The following PKD1L1 variants were observed in gnomAD, a reference collection of about 807,000 sequenced individuals.
The protein encoded by PKD1L1 is polycystin 1 like 1, transient receptor potential channel interacting, also known as polycystin-1-like protein 1.
In PKD1L1, 236 loss-of-function variants were observed where a neutral mutation model predicts 323.4. The ratio of observed to expected loss-of-function variants is 0.73; its 90% CI spans 0.66 to 0.81. The LOEUF is 0.81. PKD1L1 is among the 40% of genes least tolerant of loss of function. The pLI, the probability that PKD1L1 is intolerant of heterozygous loss-of-function variation, is 0.00. For missense variants in PKD1L1, 3,320 were observed against 3,508.0 expected, an observed-to-expected ratio of 0.95 and a Z score of 1.35; for synonymous variants, 1,344 against 1,335.0, an observed-to-expected ratio of 1.01 and a Z score of -0.15.
chr7:47,898,636 T>G (rs1434148399), intron 13 of PKD1L1, among the ~76,000 whole-genome samples: 1 of 152,096 alleles, frequency 6.6e-6, no homozygotes, highest in African/African-American at 2.4e-5. Context: ...AACAGATGTT[T>G]GCTTTCCCTA....
At chr7:47,776,661 A>C (rs1378001077) in intron 56 of PKD1L1, among the ~76,000 whole-genome samples, 1 of 152,252 alleles carries the variant, frequency 6.6e-6, no homozygotes, top group South Asian at 2.1e-4. Flanking sequence ...TAGGTTGAAC[A>C]TAAGTGTTAC....
intron 31 of PKD1L1, among the ~76,000 whole-genome samples, chr7:47,849,877 G>A (rs1007704219): frequency 6.6e-6 from 1 of 152,204 alleles, no homozygotes; most frequent in African/African-American, 2.4e-5. Flanking sequence ...CAGCAACCTG[G>A]ATGGAGTTGG....
rs140430201 is a variant in PKD1L1, at chr7:47,915,468, T to G, written c.1192A>C (p.Asn398His). Residue 398 changes from asparagine to histidine, a missense_variant, in exon 8 of 57, where the codon AAC becomes CAC. Asn to His is a moderately conservative substitution (Grantham distance 68). Transcript: ENST00000289672. The part of the protein sequence containing the change: ...NSCLEDSDPS[N>H]LGYELISAFV... ...GCAGAAATAAGCTCATATCCAAGGT[T>G]ACTGGGGTCTGAGTCTTCCAGGCAG... 2.2e-4 allele frequency: 241 copies of G among 1,100,922 alleles called. No individual in the cohort carries two copies. In the African/African-American group the frequency reaches 3.4e-3, roughly 16 times the overall value. 68.2% of individuals were successfully genotyped at this position (1,100,922 alleles called of 1,614,324 possible).
intron 31 of PKD1L1, among the ~76,000 whole-genome samples, chr7:47,850,789 T>C (rs1455117934): frequency 6.6e-6 from 1 of 152,186 alleles, no homozygotes; most frequent in African/African-American, 2.4e-5. Context: ...TAATATATCA[T>C]GTAAGAATGT....
In PKD1L1 at chr7:47,898,179, G is replaced by T; in HGVS notation, c.2080C>A (p.Pro694Thr). Reference sequence around the variant, plus strand: ...TCAAACGTCACTCCCAGCCTCACAGGCTGAGACCTCCATATCTAAGTATCA... The same window carrying T: ...TCAAACGTCACTCCCAGCCTCACAGTCTGAGACCTCCATATCTAAGTATCA... ...PGKVQIWRSQ[P>T]VRLGVTFEAA... is the part of the protein sequence containing the mutation. The change falls in exon 14 of 57, where the codon CCT becomes ACT. Residue 694 changes from proline (P) to threonine (T), a missense_variant. Transcript: ENST00000289672. 1 of 1,613,798 alleles carries T rather than the reference G, an allele frequency of 6.2e-7. No homozygotes were observed. The highest frequency in any genetic ancestry group is 8.5e-7 in the Non-Finnish European group (1 of 1,179,806).
At chr7:47,939,794 C>T (rs1476335794) in intron 3 of PKD1L1, among the ~76,000 whole-genome samples, 1 of 151,446 alleles carries the variant, frequency 6.6e-6, no homozygotes, top group Admixed American at 6.6e-5. Context: ...AGCACCCACT[C>T]CCCACCCCGG....
intron 55 of PKD1L1, among the ~76,000 whole-genome samples, 159 bp from the exon 56 acceptor site, chr7:47,792,956 G>T (rs1460922307): frequency 6.6e-6 from 1 of 151,996 alleles, no homozygotes; most frequent in African/African-American, 2.4e-5. Flanking sequence ...TGGGTGCTGG[G>T]CCTACTCTTA....
At chr7:47,927,014 T>C (rs547574180) in intron 7 of PKD1L1, among the ~76,000 whole-genome samples, 1 of 152,346 alleles carries the variant, frequency 6.6e-6, no homozygotes, top group African/African-American at 2.4e-5. Flanking sequence ...GCAGGCTTTA[T>C]GCCAGGATAT....
intron 32 of PKD1L1, among the ~76,000 whole-genome samples, chr7:47,846,607 C>T (rs150359397): frequency 6.8e-4 from 104 of 152,364 alleles, no homozygotes; most frequent in Non-Finnish European, 1.2e-3. Context: ...TACTAAACAC[C>T]TCCTCCATGA....
intron 56 of PKD1L1, among the ~76,000 whole-genome samples, chr7:47,781,163 C>T (rs1786683151): frequency 6.6e-6 from 1 of 152,118 alleles, no homozygotes; most frequent in Admixed American, 6.6e-5. Context: ...ATAGTCACAT[C>T]TTTTCATGTG....
chr7:47,782,564 AT>A (rs1333462049), intron 56 of PKD1L1, among the ~76,000 whole-genome samples: 1 of 152,202 alleles, frequency 6.6e-6, no homozygotes, highest in African/African-American at 2.4e-5. Flanking sequence ...AGTCCCAGAG[AT>A]TTGTATAACC....
the PKD1L1 span, among the ~76,000 whole-genome samples, chr7:47,957,963 T>C: frequency 6.6e-6 from 1 of 150,732 alleles, no homozygotes; most frequent in Non-Finnish European, 1.5e-5. Context: ...CACAAATAAA[T>C]GGAAAGTTAT....
chr7:47,775,206 C>A (rs80270985), intron 56 of PKD1L1, 40 bp from the exon 57 acceptor site: 1 of 1,612,736 alleles, frequency 6.2e-7, no homozygotes, highest in African/African-American at 1.3e-5. Context: ...AACAACACCC[C>A]TCTCTCAGTG....
intron 49 of PKD1L1, among the ~76,000 whole-genome samples, chr7:47,812,290 TC>T (rs1389002095): frequency 6.6e-6 from 1 of 151,794 alleles, no homozygotes; most frequent in African/African-American, 2.4e-5. Context: ...CAGGGGACCC[TC>T]AGGCAGGAGG....
Position 47,905,163 on chromosome 7 carries a change from G to A in PKD1L1, c.1685C>T (p.Pro562Leu). Residue 562 changes from proline (P) to leucine (L), a missense_variant, in exon 11 of 57, where the codon CCC becomes CTC. Coordinates refer to ENST00000289672, the MANE Select transcript of PKD1L1 (RefSeq NM_138295.5). Reference protein sequence around the residue: ...SRSIKKRLSIPQWYRVMVKAS... With the variant: ...SRSIKKRLSILQWYRVMVKAS... Reference sequence around the variant, plus strand: ...GACTGCTACTTTTACTGACCATTGGGGGATGCTGAGTCTTTTTTTAATGCT... The same window carrying A: ...GACTGCTACTTTTACTGACCATTGGAGGATGCTGAGTCTTTTTTTAATGCT... The A allele has an allele frequency of 6.2e-7, 1 of 1,613,762 alleles. No homozygotes were observed. The highest frequency in any genetic ancestry group is 8.5e-7 in the Non-Finnish European group (1 of 1,179,826).
intron 48 of PKD1L1, 113 bp from the exon 49 acceptor site, chr7:47,813,406 G>A: frequency 8.9e-7 from 1 of 1,124,378 alleles, no homozygotes; most frequent in Non-Finnish European, 1.3e-6. Flanking sequence ...CTGCAACATG[G>A]CACCCTTCTC....
At chr7:47,897,910 A>C in intron 14 of PKD1L1, 78 bp downstream of exon 14, 1 of 1,227,178 alleles carries the variant, frequency 8.1e-7, no homozygotes, top group Non-Finnish European at 1.1e-6. Context: ...TTGAATTCCA[A>C]ATGCTGAGCT....
Position 47,839,928 on chromosome 7 carries a change from T to G in PKD1L1, c.5553-266A>C, listed in dbSNP as rs1562954572. Among the ~76,000 whole-genome samples, 1 of 152,244 alleles carries G rather than the reference T, an allele frequency of 6.6e-6. No individual in the cohort carries two copies. On this transcript the variant is annotated intron_variant, in intron 35 of 56. Transcript: ENST00000289672. This position sits in a 1 kb window ranked among gnomAD's most constrained non-coding sequence, Gnocchi z 4.3. ...ACCAAAGTTACACAAATCTCGTTCA[T>G]GTATTTGTCTCTGGTGTGGATTAGT...
Position 47,840,340 on chromosome 7 carries a change from A to T in PKD1L1, c.5552+121T>A. ...ACATCATAAAATTGTTTGTATATAAATCGATGCTCACTATTAGAGACCAAT... is the reference window on the plus strand; with the variant it reads ...ACATCATAAAATTGTTTGTATATAATTCGATGCTCACTATTAGAGACCAAT... On this transcript the variant is annotated intron_variant, in intron 35 of 56. Coordinates refer to ENST00000289672, the MANE Select transcript of PKD1L1 (RefSeq NM_138295.5). This position sits in a 1 kb window ranked among gnomAD's most constrained non-coding sequence, Gnocchi z 4.1. The T allele has an allele frequency of 1.6e-6, 1 of 643,802 alleles. No individual in the cohort carries two copies. Among genetic ancestry groups the T allele is most frequent in the South Asian group, 2.1e-5 (1 of 46,822 alleles). 39.9% of individuals were successfully genotyped at this position (643,802 alleles called of 1,614,324 possible). A position where few individuals can be genotyped will look rare whatever the true frequency, so the allele number is the denominator to read the frequency against.
Sources: gnomAD v4.1 joint callset for allele counts (sites outside exome capture counted in the v4.1 genomes callset) on GRCh38, gnomAD v4.1.1 for gene constraint, Gnocchi (gnomAD v3.1) non-coding constraint, MANE v1.5 for transcripts, NCBI Gene and HGNC (gene_info 2026-07-23, HGNC 2026-07-21) for gene names.